Variants in FAM135B observed in about 807,000 individuals in gnomAD.
The protein encoded by FAM135B is protein FAM135B.
FAM135B carries 43 observed loss-of-function variants against 127.7 expected under a neutral mutation model. That is an observed-to-expected ratio of 0.34 (90% CI 0.26 to 0.43). The LOEUF (loss-of-function observed/expected upper bound fraction) is 0.43. Among genes scored for constraint, FAM135B ranks in the 20% least tolerant of loss-of-function variants. The pLI is 1.00. For missense variants in FAM135B, 1,558 were observed against 1,725.6 expected, an observed-to-expected ratio of 0.90 and a Z score of 1.72; for synonymous variants, 670 against 665.1, an observed-to-expected ratio of 1.01 and a Z score of -0.11.
intron 1 of FAM135B, among the ~76,000 whole-genome samples, chr8:138,488,836 T>G (rs1268823437): frequency 6.6e-6 from 1 of 152,066 alleles, no homozygotes; most frequent in Non-Finnish European, 1.5e-5. Context: ...CCAGCTAATT[T>G]TCGTATTTTT....
intron 7 of FAM135B, among the ~76,000 whole-genome samples, chr8:138,228,440 A>G (rs141067117): frequency 1.3e-5 from 2 of 152,156 alleles, no homozygotes; most frequent in Middle Eastern, 3.4e-3. Flanking sequence ...CACCATATTC[A>G]AGGTTGTTTA....
At chr8:138,490,778 T>C (rs1217116548) in intron 1 of FAM135B, among the ~76,000 whole-genome samples, 1 of 152,138 alleles carries the variant, frequency 6.6e-6, no homozygotes, top group Non-Finnish European at 1.5e-5. Flanking sequence ...ACTGAGAATA[T>C]GACTTAGAGA....
intron 1 of FAM135B, among the ~76,000 whole-genome samples, chr8:138,465,026 AG>A (rs1837313801): frequency 6.6e-6 from 1 of 152,204 alleles, no homozygotes; most frequent in Admixed American, 6.5e-5. Context: ...CACAGACTTG[AG>A]GGCAATTTTG....
chr8:138,199,358 A>T (rs1428417948), intron 7 of FAM135B, among the ~76,000 whole-genome samples: 2 of 152,142 alleles, frequency 1.3e-5, no homozygotes, highest in African/African-American at 4.8e-5. Context: ...ACTATGAGAA[A>T]CCAGGAGAGG....
chr8:138,167,990 A>G lies in FAM135B; in HGVS notation c.1163T>C (p.Met388Thr). The G allele has an allele frequency of 6.2e-7, 1 of 1,614,004 alleles. No homozygotes were observed. Among genetic ancestry groups the G allele is most frequent in the East Asian group, 2.2e-5 (1 of 44,860 alleles). ...DIRNSEYLTSMPPLPAECLDI... is the reference protein window; with the variant it reads ...DIRNSEYLTSTPPLPAECLDI... ...CAGGCACTCTGCAGGCAGCGGGGGCATGCTAGTGAGGTACTCCGAGTTCCG... is the reference window on the plus strand; with the variant it reads ...CAGGCACTCTGCAGGCAGCGGGGGCGTGCTAGTGAGGTACTCCGAGTTCCG... The change falls in exon 12 of 20, where the codon ATG becomes ACG. Residue 388 changes from methionine (M) to threonine (T), a missense_variant. Transcript: ENST00000395297.
chr8:138,140,272 G>A (rs11996097), intron 17 of FAM135B, among the ~76,000 whole-genome samples: 17,642 of 152,230 alleles, frequency 0.12, 1,870 homozygotes, highest in African/African-American at 0.27. Context: ...ACGTTAGTGT[G>A]GGAGAGGACA....
chr8:138,414,502 TAAG>T (rs775857447), intron 1 of FAM135B, among the ~76,000 whole-genome samples: 2 of 152,136 alleles, frequency 1.3e-5, no homozygotes, highest in Non-Finnish European at 2.9e-5. Flanking sequence ...ATTGCAGACA[TAAG>T]AAGAGAATAG....
chr8:138,385,331 A>C (rs1469481513), intron 1 of FAM135B, among the ~76,000 whole-genome samples: 1 of 152,092 alleles, frequency 6.6e-6, no homozygotes, highest in Non-Finnish European at 1.5e-5. Context: ...CCTCTCTCAG[A>C]ATATTACCTC....
intron 19 of FAM135B, among the ~76,000 whole-genome samples, chr8:138,134,406 C>G (rs1240027499): frequency 2.0e-5 from 3 of 152,096 alleles, no homozygotes; most frequent in Admixed American, 6.5e-5. Flanking sequence ...AAAAGTCACT[C>G]AAAATGTAGT....
intron 1 of FAM135B, among the ~76,000 whole-genome samples, chr8:138,380,517 C>A (rs1016575999): frequency 3.9e-5 from 6 of 152,082 alleles, no homozygotes; most frequent in Admixed American, 3.3e-4. Flanking sequence ...TAATACCTCA[C>A]GCATCAAAGC....
chr8:138,133,051 T>C (rs1294857498), intron 19 of FAM135B, among the ~76,000 whole-genome samples: 1 of 152,226 alleles, frequency 6.6e-6, no homozygotes, highest in Non-Finnish European at 1.5e-5. Flanking sequence ...CCGGAAGTTA[T>C]GATAGCAGTG....
chr8:138,358,408 C>G (rs1830219492), intron 2 of FAM135B: 1 of 152,210 alleles, frequency 6.6e-6, no homozygotes, highest in Non-Finnish European at 1.5e-5. Flanking sequence ...AGCCCTGGCA[C>G]TGACCAGCTG....
At chr8:138,398,780 G>A (rs144508708) in intron 1 of FAM135B, among the ~76,000 whole-genome samples, 403 of 152,252 alleles carry the variant, frequency 2.6e-3, no homozygotes, top group African/African-American at 9.1e-3. Context: ...AGATGTCAGC[G>A]GTCAGACCCT....
intron 2 of FAM135B, among the ~76,000 whole-genome samples, chr8:138,318,274 G>C (rs1003803073): frequency 6.6e-6 from 1 of 152,040 alleles, no homozygotes; most frequent in Non-Finnish European, 1.5e-5. Flanking sequence ...TCATGAAGAA[G>C]GAAAGGGACA....
chr8:138,428,323 G>A (rs57561804), intron 1 of FAM135B, among the ~76,000 whole-genome samples: 3 of 151,942 alleles, frequency 2.0e-5, no homozygotes, highest in Non-Finnish European at 2.9e-5. Context: ...CTAGTATACA[G>A]TCCAACGCCC....
At chr8:138,143,922 C>T (rs1003244596) in intron 15 of FAM135B, among the ~76,000 whole-genome samples, 6 of 152,244 alleles carry the variant, frequency 3.9e-5, no homozygotes, top group Admixed American at 2.0e-4. Context: ...AAGACCTTTA[C>T]GAGTCTCTGT....
At chr8:138,211,782 A>G (rs534059513) in intron 7 of FAM135B, among the ~76,000 whole-genome samples, 207 of 152,324 alleles carry the variant, frequency 1.4e-3, no homozygotes, top group African/African-American at 4.8e-3. Flanking sequence ...AATAGCAATT[A>G]TAAGTCTGGG....
At chr8:138,429,124 C>A (rs536147439) in intron 1 of FAM135B, among the ~76,000 whole-genome samples, 1 of 152,040 alleles carries the variant, frequency 6.6e-6, no homozygotes, top group African/African-American at 2.4e-5. Flanking sequence ...AAGAGTATAA[C>A]GGGGCATTGG....
chr8:138,354,496 C>A (rs1829965496), intron 2 of FAM135B, among the ~76,000 whole-genome samples: 1 of 152,070 alleles, frequency 6.6e-6, no homozygotes, highest in Admixed American at 6.6e-5. Flanking sequence ...CTGATACCTC[C>A]TGGGTGGGCG....
Sources: gnomAD v4.1 joint callset for allele counts (sites outside exome capture counted in the v4.1 genomes callset) on GRCh38, gnomAD v4.1.1 for gene constraint, MANE v1.5 for transcripts, NCBI Gene and HGNC (gene_info 2026-07-23, HGNC 2026-07-21) for gene names.